HK1: variants seen among roughly 807,000 people sequenced by gnomAD.
HK1 encodes the protein hexokinase 1, also known as hexokinase-1.
A neutral mutation model predicts 91.6 loss-of-function variants in HK1; 28 were observed. The observed-to-expected ratio is 0.31, with a 90% CI of 0.23 to 0.42. HK1 has a LOEUF of 0.42. Ranked by LOEUF, HK1 falls within the 10% of genes least tolerant of loss-of-function variation. The pLI is 1.00. For synonymous variants in HK1, 430 were observed against 468.1 expected (o/e 0.92, Z 1.05); for missense variants, 770 against 1,219.8 (o/e 0.63, Z 5.49).
intron 1 of HK1, among the ~76,000 whole-genome samples, chr10:69,275,054 T>C (rs1338327414): frequency 1.3e-5 from 2 of 152,120 alleles, no homozygotes; most frequent in African/African-American, 4.8e-5. Flanking sequence ...AAGAAATATA[T>C]ATGATTTTTA....
In HK1 at chr10:69,392,323, T is replaced by G. The variant is rs1839931474; in HGVS notation, c.2219+15T>G. The stretch of plus-strand genomic sequence containing the variant: ...GGGAAACAAAGGTAACCCCGCCTGG[T>G]GGAGAGGACACTCACAGTCAGGGTG... On this transcript the variant is annotated intron_variant, in intron 15 of 17. Coordinates refer to ENST00000359426, the MANE Select transcript of HK1 (RefSeq NM_000188.3). The G allele has an allele frequency of 3.7e-6, 6 of 1,613,788 alleles. No homozygotes were observed. Among genetic ancestry groups the G allele is most frequent in the Non-Finnish European group, 5.1e-6 (6 of 1,179,878 alleles).
Position 69,331,214 on chromosome 10 carries a change from A to G in HK1, c.63+12204A>G, listed in dbSNP as rs189294078. On this transcript the variant is annotated intron_variant, in intron 1 of 17. Coordinates refer to ENST00000359426, the MANE Select transcript of HK1 (RefSeq NM_000188.3). ...TGTTTCTTTGGACCTTCATTTCCTT[A>G]TGAAGGCTTCTGCGTCACCTAAAAA... Among the ~76,000 whole-genome samples the G allele has an allele frequency of 1.7e-3, 254 of 152,258 alleles. 3 individuals are homozygous for G. Among genetic ancestry groups the G allele is most frequent in the Non-Finnish European group, 1.2e-4 (8 of 68,020 alleles).
intron 2 of HK1, among the ~76,000 whole-genome samples, chr10:69,353,131 G>A (rs1353027562): frequency 6.6e-6 from 1 of 152,184 alleles, no homozygotes; most frequent in Admixed American, 6.5e-5. Context: ...ATAGCCTCAG[G>A]ATGGGGGGCT....
intron 16 of HK1, 31 bp from the exon 17 acceptor site, chr10:69,398,564 C>A: frequency 6.3e-7 from 1 of 1,578,854 alleles, no homozygotes; most frequent in Non-Finnish European, 8.7e-7. Flanking sequence ...GGTCCTGCTT[C>A]ATCCAGCCCT....
intron 1 of HK1, among the ~76,000 whole-genome samples, chr10:69,336,396 G>A (rs1023402652): frequency 6.6e-6 from 1 of 151,696 alleles, no homozygotes; most frequent in African/African-American, 2.4e-5. Flanking sequence ...TCTCCATGTT[G>A]GTCAGGCTGG....
At chr10:69,277,546 C>A (rs866856629) in intron 1 of HK1, among the ~76,000 whole-genome samples, 1 of 151,970 alleles carries the variant, frequency 6.6e-6, no homozygotes, top group African/African-American at 2.4e-5. Flanking sequence ...CCAGCCCGGG[C>A]GACAGAGTAA....
At chr10:69,364,683 T>C in intron 3 of HK1, 100 bp from the exon 4 acceptor site, 1 of 1,422,238 alleles carries the variant, frequency 7.0e-7, no homozygotes, top group Non-Finnish European at 9.9e-7. Context: ...TTTGGGTAGA[T>C]GTATTCCTTT....
Position 69,366,212 on chromosome 10 carries a change from C to T in HK1, c.495+1310C>T, listed in dbSNP as rs536263772. 1.2e-4 allele frequency among the ~76,000 whole-genome samples: 18 copies of T among 152,308 alleles called. No individual in the cohort carries two copies. In the South Asian group the frequency reaches 3.1e-3, roughly 26 times the overall value. ...ATGAGTTAAGTGCTTATGATTCCCA[C>T]TTTACAGATGAGGAAACTGAGTCTC... On this transcript the variant is annotated intron_variant, in intron 4 of 17. Transcript: ENST00000359426.
chr10:69,286,553 T>C (rs76883931), intron 2 of HK1, among the ~76,000 whole-genome samples: 1 of 148,008 alleles, frequency 6.8e-6, no homozygotes, highest in African/African-American at 2.4e-5. Context: ...ACGCTTTACT[T>C]TTTTTTTTTT....
rs761840263 is a variant in HK1, at chr10:69,376,915, G to A, written c.876-19G>A. The A allele has an allele frequency of 7.7e-5, 125 of 1,613,856 alleles. No individual in the cohort carries two copies. The highest frequency in any genetic ancestry group is 9.7e-5 in the Non-Finnish European group (114 of 1,179,894). On this transcript the variant is annotated intron_variant, in intron 7 of 17. Coordinates refer to ENST00000359426, the MANE Select transcript of HK1 (RefSeq NM_000188.3). Reference sequence around the variant, plus strand: ...GCGCAGAGGAAGGCTGACAAGTGCCGGTGTGCCTTTCTCCACAGGTTTGAG... The same window carrying A: ...GCGCAGAGGAAGGCTGACAAGTGCCAGTGTGCCTTTCTCCACAGGTTTGAG...
At chr10:69,392,984 T>A (rs1564569191) in intron 15 of HK1, among the ~76,000 whole-genome samples, 1 of 152,232 alleles carries the variant, frequency 6.6e-6, no homozygotes, top group Non-Finnish European at 1.5e-5. Context: ...CAGTTTTTTG[T>A]TTTTCTTTTT....
At chr10:69,348,586 G>A (rs11596222) in intron 2 of HK1, among the ~76,000 whole-genome samples, 4,757 of 152,294 alleles carry the variant, frequency 0.031, 125 homozygotes, top group African/African-American at 0.06. Context: ...CGAGGCAGGC[G>A]GATCACCTGA....
At chr10:69,319,902 A>G (rs1449213727) in intron 1 of HK1, among the ~76,000 whole-genome samples, 1 of 151,710 alleles carries the variant, frequency 6.6e-6, no homozygotes, top group Non-Finnish European at 1.5e-5. Flanking sequence ...CCGTTTTATC[A>G]GTGCCAGGTC....
At chr10:69,353,924 A>G (rs1849006156) in intron 2 of HK1, among the ~76,000 whole-genome samples, 1 of 152,256 alleles carries the variant, frequency 6.6e-6, no homozygotes, top group African/African-American at 2.4e-5. Context: ...TATAGTGATC[A>G]GCCAGAAGCA....
At chr10:69,349,317 C>G (rs1372960374) in intron 2 of HK1, among the ~76,000 whole-genome samples, 1 of 152,166 alleles carries the variant, frequency 6.6e-6, no homozygotes, top group Non-Finnish European at 1.5e-5. Flanking sequence ...TAATCCCTGC[C>G]CCACCTGCCT....
At chr10:69,363,812 A>T (rs1431905070) in intron 3 of HK1, among the ~76,000 whole-genome samples, 3 of 152,210 alleles carry the variant, frequency 2.0e-5, no homozygotes, top group African/African-American at 7.2e-5. Flanking sequence ...TTTCTAGCAG[A>T]TTCCTAAGAT....
At chr10:69,318,812 C>T, upstream of HK1, 1 of 1,402,992 alleles carries the variant, frequency 7.1e-7, no homozygotes, top group South Asian at 1.6e-5. Context: ...GTCGCCGCGC[C>T]CCGGGCCGAG....
chr10:69,331,869 A>T (rs527895479), intron 1 of HK1, among the ~76,000 whole-genome samples: 25 of 151,134 alleles, frequency 1.7e-4, no homozygotes, highest in African/African-American at 4.9e-4. Context: ...TGGAGCCAAG[A>T]CCTTGTCTCA....
At chr10:69,316,399 A>G (rs1467501640), upstream of HK1, among the ~76,000 whole-genome samples, 1 of 152,226 alleles carries the variant, frequency 6.6e-6, no homozygotes, top group African/African-American at 2.4e-5. Flanking sequence ...GGAGCCGAGG[A>G]GGACAGTTAG....
Sources: allele counts gnomAD v4.1 joint callset (sites outside exome capture counted in the v4.1 genomes callset), GRCh38; gene constraint gnomAD v4.1.1; transcripts MANE v1.5; gene names NCBI Gene and HGNC (gene_info 2026-07-23, HGNC 2026-07-21).